The following NALF1 variants were observed in gnomAD, a reference collection of about 807,000 sequenced individuals.
NALF1 encodes the protein family with sequence similarity 155 member A.
In NALF1, 3 loss-of-function variants were observed where a neutral mutation model predicts 48.4. The observed-to-expected ratio is 0.06, with a 90% CI of 0.03 to 0.16. NALF1 has a LOEUF of 0.16. NALF1 is among the 10% of genes least tolerant of loss of function. The pLI is 1.00. For missense variants in NALF1, 526 were observed against 571.5 expected (o/e 0.92, Z 0.81); for synonymous variants, 262 against 245.7 (o/e 1.07, Z -0.62).
intron 1 of NALF1, among the ~76,000 whole-genome samples, chr13:107,733,599 A>G (rs574329618): frequency 1.3e-5 from 2 of 152,196 alleles, no homozygotes; most frequent in Non-Finnish European, 2.9e-5. Context: ...TCTAAAAATC[A>G]GAGGCATTTA....
intron 1 of NALF1, among the ~76,000 whole-genome samples, chr13:107,414,180 C>A (rs933352890): frequency 6.6e-6 from 1 of 151,268 alleles, no homozygotes; most frequent in African/African-American, 2.4e-5. Context: ...TAAAAAACTT[C>A]TCTTATTGAA....
chr13:107,862,026 A>G (rs2138650828), intron 1 of NALF1, among the ~76,000 whole-genome samples: 1 of 152,332 alleles, frequency 6.6e-6, no homozygotes, highest in Middle Eastern at 3.4e-3. Context: ...GATTGTAAAA[A>G]TAAAAATGTG....
At chr13:107,398,285 T>A (rs1262864449) in intron 1 of NALF1, among the ~76,000 whole-genome samples, 1 of 151,926 alleles carries the variant, frequency 6.6e-6, no homozygotes, top group Admixed American at 6.6e-5. Flanking sequence ...TCTCCCAGTG[T>A]TACAATGGAT....
intron 1 of NALF1, among the ~76,000 whole-genome samples, chr13:107,759,845 GT>G (rs1406911483): frequency 4.0e-5 from 6 of 150,182 alleles, no homozygotes; most frequent in African/African-American, 1.2e-4. Flanking sequence ...ACCAAATGTT[GT>G]CCCCCCCATC....
At chr13:107,569,089 G>T (rs1877901820) in intron 1 of NALF1, among the ~76,000 whole-genome samples, 1 of 152,088 alleles carries the variant, frequency 6.6e-6, no homozygotes, top group African/African-American at 2.4e-5. Flanking sequence ...TGAGTAAGGC[G>T]TGGGATTCAT....
At chr13:107,816,414 A>G (rs1295511171) in intron 1 of NALF1, among the ~76,000 whole-genome samples, 1 of 152,146 alleles carries the variant, frequency 6.6e-6, no homozygotes, top group Non-Finnish European at 1.5e-5. Flanking sequence ...TCTTACATGG[A>G]GTATGAGGAA....
chr13:107,678,176 T>C (rs894329189), intron 1 of NALF1, among the ~76,000 whole-genome samples: 1 of 152,168 alleles, frequency 6.6e-6, no homozygotes, highest in Non-Finnish European at 1.5e-5. Flanking sequence ...AGTATTTACT[T>C]TTAGCTTGCA....
intron 1 of NALF1, among the ~76,000 whole-genome samples, chr13:107,480,440 A>G (rs1032409946): frequency 2.0e-5 from 3 of 152,210 alleles, no homozygotes; most frequent in Non-Finnish European, 4.4e-5. Context: ...ATTCTTCAGT[A>G]AAATTCCAAA....
At chr13:107,686,690 G>C (rs961180719) in intron 1 of NALF1, among the ~76,000 whole-genome samples, 1 of 152,096 alleles carries the variant, frequency 6.6e-6, no homozygotes, top group Non-Finnish European at 1.5e-5. Context: ...GCCCACAATC[G>C]TGACAAAATG....
chr13:107,322,672 T>C (rs1299888967), intron 1 of NALF1, among the ~76,000 whole-genome samples: 4 of 152,188 alleles, frequency 2.6e-5, no homozygotes, highest in Non-Finnish European at 5.9e-5. Context: ...CAGATTTTGA[T>C]GGGCTCAGTA....
chr13:107,810,060 T>C (rs900513623), intron 1 of NALF1, among the ~76,000 whole-genome samples: 2 of 152,202 alleles, frequency 1.3e-5, no homozygotes, highest in Non-Finnish European at 1.5e-5. Flanking sequence ...TCTAGCTTTC[T>C]TCTCTCAAAT....
intron 1 of NALF1, among the ~76,000 whole-genome samples, chr13:107,740,781 C>G (rs189614557): frequency 2.6e-5 from 4 of 152,264 alleles, no homozygotes; most frequent in African/African-American, 9.6e-5. Flanking sequence ...ACTACTTTGC[C>G]AATCCTTGCT....
At chr13:107,700,714 GT>G (rs1479858425) in intron 1 of NALF1, among the ~76,000 whole-genome samples, 11 of 152,114 alleles carry the variant, frequency 7.2e-5, no homozygotes, top group Admixed American at 5.9e-4. Flanking sequence ...TGGGAAAAAT[GT>G]TTGCAAACCC....
chr13:107,843,698 T>C (rs77890514), intron 1 of NALF1, among the ~76,000 whole-genome samples: 2,915 of 152,190 alleles, frequency 0.019, 51 homozygotes, highest in African/African-American at 0.046. Flanking sequence ...GAAGTGCACA[T>C]GGATGACCTC....
intron 1 of NALF1, among the ~76,000 whole-genome samples, chr13:107,215,088 A>G (rs1336478869): frequency 6.6e-6 from 1 of 152,100 alleles, no homozygotes; most frequent in Non-Finnish European, 1.5e-5. Flanking sequence ...CAGGGTGGAA[A>G]GCCTTAGAGA....
intron 1 of NALF1, among the ~76,000 whole-genome samples, chr13:107,310,568 A>C (rs1472616588): frequency 6.6e-6 from 1 of 152,190 alleles, no homozygotes; most frequent in Non-Finnish European, 1.5e-5. Context: ...ACATGAAAAT[A>C]ATGCTAAAAT....
intron 1 of NALF1, among the ~76,000 whole-genome samples, chr13:107,299,868 G>A (rs570098562): frequency 1.5e-3 from 228 of 152,070 alleles, no homozygotes; most frequent in Admixed American, 5.6e-3. Context: ...GGACACACCC[G>A]TTCCTGTTTG....
chr13:107,516,807 T>C (rs2139092341), intron 1 of NALF1, among the ~76,000 whole-genome samples: 1 of 152,360 alleles, frequency 6.6e-6, no homozygotes. Flanking sequence ...TATGGAGGCA[T>C]TCACTGATAT....
intron 1 of NALF1, among the ~76,000 whole-genome samples, chr13:107,280,320 T>A (rs1023877834): frequency 6.6e-6 from 1 of 152,206 alleles, no homozygotes; most frequent in Non-Finnish European, 1.5e-5. Flanking sequence ...TCTCTCTTTT[T>A]AAAAACTCGA....
Sources: gnomAD v4.1 joint callset for allele counts (sites outside exome capture counted in the v4.1 genomes callset) on GRCh38, gnomAD v4.1.1 for gene constraint, MANE v1.5 for transcripts, NCBI Gene and HGNC (gene_info 2026-07-23, HGNC 2026-07-21) for gene names.